The following CYP4A11 variants were observed in gnomAD, a reference collection of about 807,000 sequenced individuals.
The protein encoded by CYP4A11 is cytochrome P450 4A11.
A neutral mutation model predicts 57.7 loss-of-function variants in CYP4A11; 52 were observed. That is an observed-to-expected ratio of 0.90 (90% CI 0.72 to 1.14). CYP4A11 has a LOEUF of 1.14. Among genes scored for constraint, CYP4A11 ranks in the 50% most tolerant of loss-of-function variants. The probability of loss-of-function intolerance (pLI) is 0.00; values close to 1 mark genes in which losing one functional copy is unlikely to be tolerated. For missense variants in CYP4A11, 641 were observed against 642.1 expected (o/e 1.00, Z 0.02); for synonymous variants, 228 against 247.1 (o/e 0.92, Z 0.72).
At chr1:46,936,927 G>T (rs1402398081) in intron 3 of CYP4A11, 136 bp from the exon 4 acceptor site, 1 of 1,428,582 alleles carries the variant, frequency 7.0e-7, no homozygotes, top group African/African-American at 1.4e-5. Flanking sequence ...CTATCCAGAA[G>T]AAGCCACGTC....
Position 46,929,358 on chromosome 1 carries a change from G to T in CYP4A11, c.*757C>A, listed in dbSNP as rs966723751. On this transcript the variant is annotated 3_prime_UTR_variant, in exon 12 of 12. Transcript: ENST00000310638. ...GGGTGTTCAGACCCAACACCAGGTC[G>T]TGGGGGTGACAAAGTCCGGCAGAGT... 2 of 152,140 alleles carry T rather than the reference G, an allele frequency of 1.3e-5. No individual in the cohort carries two copies. Among genetic ancestry groups the T allele is most frequent in the East Asian group, 3.9e-4 (2 of 5,170 alleles). 9.4% of individuals were successfully genotyped at this position (152,140 alleles called of 1,614,324 possible). A position where few individuals can be genotyped will look rare whatever the true frequency, so the allele number is the denominator to read the frequency against.
At chr1:46,932,129 G>T (rs1334705408) in intron 11 of CYP4A11, 5 of 976,150 alleles carry the variant, frequency 5.1e-6, no homozygotes, top group Middle Eastern at 5.3e-4. Context: ...GTAAATATGT[G>T]AACACTATAT....
In CYP4A11 at chr1:46,930,327, T is replaced by C. The variant is rs535162011; in HGVS notation, c.1365-17A>G. ...ATGCAGTTCCTGGGCCAGGTGGAGATAATGAATTGAGAAGTGTCCTCAGGC... is the reference window on the plus strand; with the variant it reads ...ATGCAGTTCCTGGGCCAGGTGGAGACAATGAATTGAGAAGTGTCCTCAGGC... On this transcript the variant is annotated splice_polypyrimidine_tract_variant and intron_variant, in intron 11 of 11. Transcript: ENST00000310638. 184 of 1,604,956 alleles carry C rather than the reference T, an allele frequency of 1.1e-4. No individual in the cohort carries two copies. The highest frequency in any genetic ancestry group is 6.8e-4 in the African/African-American group (51 of 74,854).
chr1:46,931,005 C>G (rs1276692974), intron 11 of CYP4A11, among the ~76,000 whole-genome samples: 2 of 152,198 alleles, frequency 1.3e-5, no homozygotes, highest in African/African-American at 2.4e-5. Context: ...TTTCTGCTTC[C>G]CCTCCCAGCA....
In CYP4A11 at chr1:46,930,120, G is replaced by T; in HGVS notation, c.1555C>A (p.Leu519Ile). The T allele has an allele frequency of 6.2e-7, 1 of 1,610,696 alleles. No individual in the cohort carries two copies. The highest frequency in any genetic ancestry group is 8.5e-7 in the Non-Finnish European group (1 of 1,177,930). ...LPNPCEDKDQ[L>I] ...AGGACGGCAGGTGGAGGCCCTCAAA[G>T]CTGGTCCTTGTCTTCACAAGGGTTA... Residue 519 changes from leucine to isoleucine, a missense_variant, in exon 12 of 12, where the codon CTT (leucine) becomes ATT (isoleucine). Coordinates refer to ENST00000310638, the MANE Select transcript of CYP4A11 (RefSeq NM_000778.4).
chr1:46,937,175 G>C (rs1681460770), intron 3 of CYP4A11, 127 bp downstream of exon 3: 1 of 1,167,034 alleles, frequency 8.6e-7, no homozygotes, highest in Admixed American at 2.3e-5. Context: ...TTAGAAGAAG[G>C]AAGTGAGGCT....
rs759121794 is a variant in CYP4A11, at chr1:46,930,192, C to G, written c.1483G>C (p.Val495Leu). ...TGGATTCCATTTTTGGATTTCAACA[C>G]AAGTCGTGCAATGGGGATGGGGATC... ...TRIPIPIARL[V>L]LKSKNGIHLR... is the part of the protein sequence containing the mutation. The change falls in exon 12 of 12, where the codon GTG (valine) becomes CTG (leucine). Residue 495 changes from valine (V) to leucine (L), a missense_variant. Val to Leu is a conservative substitution (Grantham distance 32, BLOSUM62 1). Transcript: ENST00000310638. 3 of 1,614,048 alleles carry G rather than the reference C, an allele frequency of 1.9e-6. No homozygotes were observed. Among genetic ancestry groups the G allele is most frequent in the Non-Finnish European group, 2.5e-6 (3 of 1,179,980 alleles).
At chr1:46,937,582 G>T (rs1272998271) in intron 2 of CYP4A11, among the ~76,000 whole-genome samples, 1 of 152,160 alleles carries the variant, frequency 6.6e-6, no homozygotes, top group Non-Finnish European at 1.5e-5. Context: ...GAGAAACATA[G>T]GCTAGGTCTT....
Position 46,941,274 on chromosome 1 carries a change from G to T in CYP4A11, c.160C>A (p.Pro54Thr). ...LLKALQQFPC[P>T]PSHWLFGHIQ... is the part of the protein sequence containing the mutation. ...TGCCCGAAGAGCCAGTGGGAGGGAGGGCACGGGAACTGCTGGAGGGCTTTG... is the reference window on the plus strand; with the variant it reads ...TGCCCGAAGAGCCAGTGGGAGGGAGTGCACGGGAACTGCTGGAGGGCTTTG... The change falls in exon 1 of 12, where the codon CCT becomes ACT. Residue 54 changes from proline to threonine, a missense_variant. Physicochemically the swap from Pro to Thr is conservative, Grantham distance 38. Coordinates refer to ENST00000310638, the MANE Select transcript of CYP4A11 (RefSeq NM_000778.4). 1 of 1,614,054 alleles carries T rather than the reference G, an allele frequency of 6.2e-7. No individual in the cohort carries two copies. Among genetic ancestry groups the T allele is most frequent in the Non-Finnish European group, 8.5e-7 (1 of 1,179,970 alleles).
At position 46,930,049 on chromosome 1, in the gene CYP4A11, G is replaced by C. The variant is rs1680914920; in HGVS notation, c.*66C>G. 1.3e-6 allele frequency: 2 copies of C among 1,535,072 alleles called. No individual in the cohort carries two copies. Among genetic ancestry groups the C allele is most frequent in the African/African-American group, 1.4e-5 (1 of 72,796 alleles). ...AGGGAAGGTGGGCAGACAGAAAACA[G>C]GATATGGGCAGACAGGAAGGGGACA... On this transcript the variant is annotated 3_prime_UTR_variant, in exon 12 of 12. Coordinates refer to ENST00000310638, the MANE Select transcript of CYP4A11 (RefSeq NM_000778.4).
Position 46,941,376 on chromosome 1 carries a change from G to C in CYP4A11, c.58C>G (p.Gln20Glu). The change falls in exon 1 of 12, where the codon CAA becomes GAA. Residue 20 changes from glutamine (Q) to glutamate (E), a missense_variant. Gln to Glu is a conservative substitution (Grantham distance 29, BLOSUM62 2). Coordinates refer to ENST00000310638, the MANE Select transcript of CYP4A11 (RefSeq NM_000778.4). ...AGCAGAATGAGCAGGGAGGCCGCTTGGAGGATTCCAGAGACATCACCCAGG... is the reference window on the plus strand; with the variant it reads ...AGCAGAATGAGCAGGGAGGCCGCTTCGAGGATTCCAGAGACATCACCCAGG... ...RLLGDVSGIL[Q>E]AASLLILLLL... is the part of the protein sequence containing the mutation. The C allele has an allele frequency of 6.2e-7, 1 of 1,614,176 alleles. No individual in the cohort carries two copies. Among genetic ancestry groups the C allele is most frequent in the Non-Finnish European group, 8.5e-7 (1 of 1,180,032 alleles).
At chr1:46,937,594 A>G (rs1032870963) in intron 2 of CYP4A11, among the ~76,000 whole-genome samples, 15 of 152,196 alleles carry the variant, frequency 9.9e-5, no homozygotes, top group African/African-American at 3.4e-4. Flanking sequence ...CTAGGTCTTC[A>G]ATGACAATGA....
chr1:46,938,574 G>A (rs2148465213), intron 1 of CYP4A11, among the ~76,000 whole-genome samples: 1 of 152,246 alleles, frequency 6.6e-6, no homozygotes, highest in South Asian at 2.1e-4. Context: ...AGCATATACG[G>A]TAAATATTTG....
In CYP4A11 at chr1:46,937,326, A is replaced by G. The variant is rs140759322; in HGVS notation, c.358T>C (p.Tyr120His). 6.5e-5 allele frequency: 105 copies of G among 1,614,038 alleles called. 1 individual carries two copies. Among genetic ancestry groups the G allele is most frequent in the South Asian group, 1.8e-4 (16 of 91,078 alleles). Residue 120 changes from tyrosine (Y) to histidine (H), a missense_variant, in exon 3 of 12, where the codon TAC (tyrosine) becomes CAC (histidine). Tyr to His is a moderately conservative substitution (Grantham distance 83, BLOSUM62 2). Transcript: ENST00000310638. ...GRSDPKSHGS[Y>H]RFLAPWIGYG... Reference sequence around the variant, plus strand: ...CCAATCCATGGAGCCAGGAATCTGTAGGAACCATGGGATTTCGGGTCTGAA... The same window carrying G: ...CCAATCCATGGAGCCAGGAATCTGTGGGAACCATGGGATTTCGGGTCTGAA...
At chr1:46,937,404 G>A in intron 2 of CYP4A11, 58 bp from the exon 3 acceptor site, 1 of 1,562,860 alleles carries the variant, frequency 6.4e-7, no homozygotes, top group Non-Finnish European at 8.8e-7. Flanking sequence ...GGCAGTCTTA[G>A]AGGCTGCATC....
intron 11 of CYP4A11, 49 bp from the exon 12 acceptor site, chr1:46,930,359 C>A (rs1395475616): frequency 1.3e-6 from 2 of 1,562,026 alleles, no homozygotes; most frequent in East Asian, 2.3e-5. Flanking sequence ...AGGCCCCATT[C>A]TGATCTGAGC....
chr1:46,937,245 A>G, intron 3 of CYP4A11, 57 bp downstream of exon 3: 1 of 1,586,180 alleles, frequency 6.3e-7, no homozygotes, highest in Non-Finnish European at 8.6e-7. Context: ...CTGTGAGCCA[A>G]ATAAATAACT....
intron 11 of CYP4A11, chr1:46,932,235 C>T: frequency 1.0e-6 from 1 of 1,000,306 alleles, no homozygotes; most frequent in Non-Finnish European, 1.2e-6. Flanking sequence ...TAACCTCTCC[C>T]TTATATGACT....
At chr1:46,934,839 C>T (rs1681275582) in intron 6 of CYP4A11, among the ~76,000 whole-genome samples, 161 bp downstream of exon 6, 1 of 152,214 alleles carries the variant, frequency 6.6e-6, no homozygotes, top group African/African-American at 2.4e-5. Flanking sequence ...AGAATCTGGC[C>T]CCTCACATCT....
Sources: gnomAD v4.1 joint callset for allele counts (sites outside exome capture counted in the v4.1 genomes callset) on GRCh38, gnomAD v4.1.1 for gene constraint, MANE v1.5 for transcripts, NCBI Gene and HGNC (gene_info 2026-07-23, HGNC 2026-07-21) for gene names.